STK32B: variants seen among roughly 807,000 people sequenced by gnomAD.
STK32B encodes serine/threonine kinase 32B.
STK32B carries 43 observed loss-of-function variants against 52.6 expected under a neutral mutation model. The ratio of observed to expected loss-of-function variants is 0.82; its 90% confidence interval spans 0.64 to 1.05. STK32B has a LOEUF of 1.05. Ranked by LOEUF, STK32B falls within the 50% of genes least tolerant of loss-of-function variation. The probability of loss-of-function intolerance (pLI) is 0.00; values close to 1 mark genes in which losing one functional copy is unlikely to be tolerated. For missense variants in STK32B, 621 were observed against 534.6 expected (o/e 1.16, Z -1.59); for synonymous variants, 238 against 204.3 (o/e 1.17, Z -1.41).
intron 4 of STK32B, among the ~76,000 whole-genome samples, chr4:5,342,762 C>T (rs961187924): frequency 1.8e-4 from 27 of 152,302 alleles, no homozygotes; most frequent in Non-Finnish European, 3.5e-4. Context: ...CCTTGTTCAT[C>T]TTCGTATCTT....
intron 3 of STK32B, among the ~76,000 whole-genome samples, chr4:5,208,793 G>A (rs1159733782): frequency 6.6e-6 from 1 of 152,008 alleles, no homozygotes; most frequent in African/African-American, 2.4e-5. Context: ...GATTAATTTG[G>A]GTAAATCCAT....
rs572275881 is a variant in STK32B, at chr4:5,173,220, A to AGTG, written c.260+4772_260+4773insGGT. Among the ~76,000 whole-genome samples, 909 of 149,986 alleles carry AGTG rather than the reference A, an allele frequency of 6.1e-3. 9 individuals are homozygous for AGTG. The highest frequency in any genetic ancestry group is 0.02 in the African/African-American group (839 of 41,236). ...CTCTTTTCTTCTTTATTAGTCTTGCAGTCTATCAATTTTGTTGATCTTTCA... is the reference window on the plus strand; with the variant it reads ...CTCTTTTCTTCTTTATTAGTCTTGCAGTGGTCTATCAATTTTGTTGATCTTTCA... On this transcript the variant is annotated intron_variant, in intron 3 of 11. Coordinates refer to ENST00000282908, the MANE Select transcript of STK32B (RefSeq NM_018401.3).
At chr4:5,250,476 C>T (rs918696379) in intron 3 of STK32B, among the ~76,000 whole-genome samples, 1 of 151,992 alleles carries the variant, frequency 6.6e-6, no homozygotes, top group Non-Finnish European at 1.5e-5. Flanking sequence ...CTACGCTTGG[C>T]TAATTTTTGT....
At chr4:5,108,879 G>C (rs1202779776) in intron 1 of STK32B, among the ~76,000 whole-genome samples, 1 of 152,110 alleles carries the variant, frequency 6.6e-6, no homozygotes, top group Non-Finnish European at 1.5e-5. Flanking sequence ...CAATAATTAG[G>C]GAAGAATAGT....
chr4:5,144,111 A>G (rs984334478), intron 2 of STK32B, among the ~76,000 whole-genome samples: 2 of 152,190 alleles, frequency 1.3e-5, no homozygotes, highest in Non-Finnish European at 2.9e-5. Flanking sequence ...CCCTTGGGAT[A>G]GTTACCACCA....
chr4:5,258,704 C>A (rs1349978889), intron 3 of STK32B, among the ~76,000 whole-genome samples: 3 of 152,166 alleles, frequency 2.0e-5, no homozygotes, highest in Admixed American at 2.0e-4. Flanking sequence ...TTCAAGTCAC[C>A]ATCACCTCTC....
At chr4:5,074,321 A>C (rs566977772) in intron 1 of STK32B, among the ~76,000 whole-genome samples, 26 of 152,070 alleles carry the variant, frequency 1.7e-4, no homozygotes, top group Middle Eastern at 6.8e-3. Context: ...TTTCTAGTCC[A>C]TGAATTTTAA....
Position 5,100,924 on chromosome 4 carries a change from G to C in STK32B, c.53-38981G>C, listed in dbSNP as rs181229379. Among the ~76,000 whole-genome samples, 149 of 145,788 alleles carry C rather than the reference G, an allele frequency of 1.0e-3. 2 individuals carry two copies. The East Asian group carries it at 0.023, about 23-fold the overall frequency. On this transcript the variant is annotated intron_variant, in intron 1 of 11. Transcript: ENST00000282908. ...CTTTTTCCTTTCCTTTCATTTCTTG[G>C]ATCTCACTCTGTCCCCCAGGCTGGA...
At chr4:5,060,040 C>A (rs1226286322) in intron 1 of STK32B, among the ~76,000 whole-genome samples, 1 of 152,166 alleles carries the variant, frequency 6.6e-6, no homozygotes, top group African/African-American at 2.4e-5. Context: ...GATCTTGGCT[C>A]ACCACAACCT....
chr4:5,066,237 C>T (rs895271750), intron 1 of STK32B, among the ~76,000 whole-genome samples: 1 of 152,110 alleles, frequency 6.6e-6, no homozygotes, highest in Non-Finnish European at 1.5e-5. Flanking sequence ...AGGTTTTTCT[C>T]TTATCCCCAC....
intron 2 of STK32B, among the ~76,000 whole-genome samples, chr4:5,156,172 A>G (rs187590376): frequency 1.3e-5 from 2 of 151,956 alleles, no homozygotes; most frequent in Admixed American, 1.3e-4. Context: ...ACATATACAC[A>G]TATGCATACA....
intron 1 of STK32B, among the ~76,000 whole-genome samples, chr4:5,111,365 G>A (rs1026793278): frequency 6.6e-6 from 1 of 152,116 alleles, no homozygotes; most frequent in South Asian, 2.1e-4. Context: ...ACCAATCTAA[G>A]TGTCCATCAG....
intron 7 of STK32B, among the ~76,000 whole-genome samples, chr4:5,455,232 G>A (rs1014842001): frequency 4.6e-5 from 7 of 152,194 alleles, no homozygotes; most frequent in Non-Finnish European, 8.8e-5. Flanking sequence ...CCCTTTGGGC[G>A]GGCGCCTTCT....
chr4:5,187,942 G>A (rs1438807423), intron 3 of STK32B, among the ~76,000 whole-genome samples: 2 of 152,118 alleles, frequency 1.3e-5, no homozygotes, highest in African/African-American at 4.8e-5. Flanking sequence ...CAACAATGTA[G>A]TAGACGTGGA....
intron 3 of STK32B, among the ~76,000 whole-genome samples, chr4:5,326,764 G>A (rs924610523): frequency 2.6e-5 from 4 of 152,074 alleles, no homozygotes; most frequent in African/African-American, 7.2e-5. Context: ...TCAGAGTGGT[G>A]GTTGCTGAAG....
At chr4:5,438,692 G>A (rs1031243752) in intron 6 of STK32B, among the ~76,000 whole-genome samples, 7 of 152,154 alleles carry the variant, frequency 4.6e-5, no homozygotes, top group Admixed American at 1.3e-4. Context: ...ATGCTGGTGC[G>A]CTGCACCCAC....
chr4:5,158,982 C>G (rs1214149303), intron 2 of STK32B, among the ~76,000 whole-genome samples: 1 of 152,194 alleles, frequency 6.6e-6, no homozygotes, highest in African/African-American at 2.4e-5. Flanking sequence ...GTCATTCAAG[C>G]CATCTGTCAC....
At chr4:5,452,907 A>C (rs1716133942) in intron 7 of STK32B, among the ~76,000 whole-genome samples, 1 of 151,918 alleles carries the variant, frequency 6.6e-6, no homozygotes, top group Non-Finnish European at 1.5e-5. Context: ...TATAAATACC[A>C]CCTGGTATTC....
the STK32B span, among the ~76,000 whole-genome samples, chr4:5,021,323 A>G: frequency 4.6e-5 from 7 of 152,300 alleles, 1 homozygote; most frequent in Non-Finnish European, 7.3e-5. Context: ...TGTGTTCTCT[A>G]AACACCTTTA....
Sources: allele counts gnomAD v4.1 joint callset (sites outside exome capture counted in the v4.1 genomes callset), GRCh38; gene constraint gnomAD v4.1.1; transcripts MANE v1.5; gene names NCBI Gene and HGNC (gene_info 2026-07-23, HGNC 2026-07-21).